Variants in BCAS3 observed in about 807,000 individuals in gnomAD.
BCAS3 encodes BCAS4/BCAS3 fusion.
Under a neutral mutation model 116.1 loss-of-function variants are expected in BCAS3, and 53 were observed. That is an observed-to-expected ratio of 0.46 (90% confidence interval 0.37 to 0.57). The LOEUF (loss-of-function observed/expected upper bound fraction) is 0.57. Ranked by LOEUF, BCAS3 falls within the 20% of genes least tolerant of loss-of-function variation. The pLI, the probability that BCAS3 is intolerant of heterozygous loss-of-function variation, is 0.00. For missense variants in BCAS3, 917 were observed against 1,165.4 expected, an observed-to-expected ratio of 0.79 and a Z score of 3.10; for synonymous variants, 391 against 408.2, an observed-to-expected ratio of 0.96 and a Z score of 0.51.
In BCAS3 at chr17:61,344,635, G is replaced by A. The variant is rs1178632062; in HGVS notation, c.2426-23692G>A. Among the ~76,000 whole-genome samples, 2 of 152,168 alleles carry A rather than the reference G, an allele frequency of 1.3e-5. No homozygotes were observed. Among genetic ancestry groups the A allele is most frequent in the Non-Finnish European group, 2.9e-5 (2 of 68,038 alleles). On this transcript the variant is annotated intron_variant, in intron 22 of 23. Transcript: ENST00000407086. This position sits in a 1 kb window ranked among gnomAD's most constrained non-coding sequence, Gnocchi z 4.1. Reference sequence around the variant, plus strand: ...AGGGCACCTGACCTAACCTAGGAGAGGATCAGAAAAGGCTTCCCAGAAGTT... The same window carrying A: ...AGGGCACCTGACCTAACCTAGGAGAAGATCAGAAAAGGCTTCCCAGAAGTT...
chr17:61,170,268 TG>T (rs1371046487), intron 22 of BCAS3, among the ~76,000 whole-genome samples: 2 of 151,462 alleles, frequency 1.3e-5, no homozygotes, highest in Non-Finnish European at 2.9e-5. Flanking sequence ...AATGATATGA[TG>T]TAATGGTTTT....
rs373452628 is a variant in BCAS3 at position 60,960,055 on chromosome 17, T to C, written c.1221+12703T>C. Among the ~76,000 whole-genome samples the C allele has an allele frequency of 7.4e-4, 113 of 152,340 alleles. 5 individuals are homozygous for C. The South Asian group carries it at 0.023, about 31-fold the overall frequency. On this transcript the variant is annotated intron_variant, in intron 14 of 23. Transcript: ENST00000407086. The surrounding 1 kb of genome is among the most constrained non-coding windows in gnomAD (Gnocchi z 4.1). ...GCCCCTTCTCTTAGGATTTATAACC[T>C]AATCACTTATTTTGCCAAAGAGTAA...
Position 61,390,454 on chromosome 17 carries a change from A to G in BCAS3, c.2594-1523A>G, listed in dbSNP as rs553141127. 1 of 151,896 alleles carries G rather than the reference A, an allele frequency of 6.6e-6. No homozygotes were observed. Among genetic ancestry groups the G allele is most frequent in the East Asian group, 1.9e-4 (1 of 5,138 alleles). The allele number at this position is 151,896 out of a possible 1,614,324, so 9.4% of individuals were successfully genotyped here. ...ATAGTCAGGCCCTCGGTCCCTGTCCACAGTCCCATCCCCCTACTTTCCCCA... is the reference window on the plus strand; with the variant it reads ...ATAGTCAGGCCCTCGGTCCCTGTCCGCAGTCCCATCCCCCTACTTTCCCCA... On this transcript the variant is annotated intron_variant, in intron 23 of 23. Coordinates refer to ENST00000407086, the MANE Select transcript of BCAS3 (RefSeq NM_017679.5). The surrounding 1 kb of genome is among the most constrained non-coding windows in gnomAD (Gnocchi z 6.8).
In BCAS3 at chr17:60,989,999, G is replaced by A; in HGVS notation, c.1250G>A (p.Cys417Tyr). 6.2e-7 allele frequency: 1 copy of A among 1,613,976 alleles called. No homozygotes were observed. The highest frequency in any genetic ancestry group is 2.2e-5 in the East Asian group (1 of 44,894). The change falls in exon 15 of 24, where the codon TGT becomes TAT. Residue 417 changes from cysteine to tyrosine, a missense_variant. Physicochemically the swap from Cys to Tyr is radical, Grantham distance 194. Around this residue, in one of 3 missense-constraint regions of BCAS3, gnomAD observed 807 missense variants for 1,026.0 expected, o/e 0.79. Transcript: ENST00000407086. The part of the protein sequence containing the change: ...KVQDICFSHD[C>Y]RWVVVSTLRG... ...CAGGACATCTGCTTCAGCCATGACT[G>A]TCGCTGGGTTGTGGTCAGTACTCTC...
intron 7 of BCAS3, among the ~76,000 whole-genome samples, chr17:60,849,232 T>G (rs1192558860): frequency 6.6e-6 from 1 of 152,018 alleles, no homozygotes; most frequent in Non-Finnish European, 1.5e-5. Flanking sequence ...GAGACAGAAT[T>G]TTTTTGAAAT....
rs2064867205 is a variant in BCAS3 at position 61,008,370 on chromosome 17, G to T, written c.1487-7381G>T. ...CCAACCAAAAATAACCCACCTGCAG[G>T]AAATTCCCTTCTACACAGGGTATTT... is the stretch of plus-strand genomic sequence containing the variant. On this transcript the variant is annotated intron_variant, in intron 15 of 23. Transcript: ENST00000407086. The surrounding 1 kb of genome is among the most constrained non-coding windows in gnomAD (Gnocchi z 4.6). 6.6e-6 allele frequency among the ~76,000 whole-genome samples: 1 copy of T among 151,840 alleles called. No homozygotes were observed. Among genetic ancestry groups the T allele is most frequent in the African/African-American group, 2.4e-5 (1 of 41,336 alleles).
At chr17:60,687,012 G>A (rs900296969) in intron 3 of BCAS3, among the ~76,000 whole-genome samples, 10 of 152,092 alleles carry the variant, frequency 6.6e-5, no homozygotes, top group Non-Finnish European at 1.0e-4. Context: ...TATGGCAATA[G>A]TACACTATGG....
At chr17:60,935,904 C>T (rs1414916806) in intron 13 of BCAS3, among the ~76,000 whole-genome samples, 5 of 151,372 alleles carry the variant, frequency 3.3e-5, no homozygotes, top group Admixed American at 1.3e-4. Context: ...ATGTGCACAA[C>T]ATGCAGGTTA....
chr17:60,976,756 G>C (rs1299141999), intron 14 of BCAS3, among the ~76,000 whole-genome samples: 1 of 152,120 alleles, frequency 6.6e-6, no homozygotes, highest in Non-Finnish European at 1.5e-5. Context: ...GGGGTTGGGG[G>C]TAAGGTTATA....
chr17:61,240,074 T>C (rs1339165667), intron 22 of BCAS3, among the ~76,000 whole-genome samples: 3 of 152,144 alleles, frequency 2.0e-5, no homozygotes, highest in African/African-American at 4.8e-5. Flanking sequence ...AAGCATCTTG[T>C]AGATGTTTGA....
At chr17:61,297,022 A>G (rs1307121649) in intron 22 of BCAS3, among the ~76,000 whole-genome samples, 2 of 152,186 alleles carry the variant, frequency 1.3e-5, no homozygotes, top group African/African-American at 2.4e-5. Flanking sequence ...AGTGTGGAAA[A>G]TTGATTGAAG....
intron 22 of BCAS3, among the ~76,000 whole-genome samples, chr17:61,172,944 C>T (rs934752073): frequency 8.6e-5 from 13 of 151,768 alleles, no homozygotes; most frequent in African/African-American, 2.7e-4. Flanking sequence ...GCTGAGATGA[C>T]GCCACTGCAC....
intron 5 of BCAS3, among the ~76,000 whole-genome samples, chr17:60,718,236 C>G (rs939965098): frequency 6.6e-6 from 1 of 152,068 alleles, no homozygotes; most frequent in Admixed American, 6.6e-5. Flanking sequence ...AGAATATACC[C>G]TTAAAATTTT....
chr17:60,859,224 G>A (rs1026824365), intron 7 of BCAS3, among the ~76,000 whole-genome samples: 3 of 152,070 alleles, frequency 2.0e-5, no homozygotes, highest in Admixed American at 2.0e-4. Flanking sequence ...CTGGGGGTAC[G>A]TGTTCAGGTT....
Position 60,724,720 on chromosome 17 carries a change from TA to T in BCAS3, c.321+15409del, listed in dbSNP as rs111941126. Among the ~76,000 whole-genome samples the T allele has an allele frequency of 4.9e-3, 667 of 137,354 alleles. 2 individuals are homozygous for T. The highest frequency in any genetic ancestry group is 1.0e-2 in the African/African-American group (370 of 37,106). 90.1% of individuals were successfully genotyped at this position (137,354 alleles called of 152,430 possible). A position where few individuals can be genotyped will look rare whatever the true frequency, so the allele number is the denominator to read the frequency against. On this transcript the variant is annotated intron_variant, in intron 5 of 23. Coordinates refer to ENST00000407086, the MANE Select transcript of BCAS3 (RefSeq NM_017679.5). The stretch of plus-strand genomic sequence containing the variant: ...CCTGACAACAGAGTGAGACTTCCTC[TA>T]AAAAAAAAAAAAATTCATTTTCTTT...
intron 10 of BCAS3, among the ~76,000 whole-genome samples, chr17:60,899,673 T>G (rs1170367229): frequency 6.6e-6 from 1 of 152,064 alleles, no homozygotes; most frequent in Admixed American, 6.5e-5. Flanking sequence ...AATTTTTGTA[T>G]TTTTCATAGA....
chr17:60,686,323 T>C (rs2034038610), intron 3 of BCAS3, among the ~76,000 whole-genome samples: 1 of 152,208 alleles, frequency 6.6e-6, no homozygotes, highest in Middle Eastern at 3.2e-3. Context: ...CCTCCTGCTC[T>C]ATTCTGGGAA....
chr17:61,027,542 TTAG>T (rs2066341898), intron 16 of BCAS3: 1 of 289,246 alleles, frequency 3.5e-6, no homozygotes, highest in Non-Finnish European at 6.8e-6. Context: ...TTTGTCAGTC[TTAG>T]ACAGGAAGGT....
chr17:60,782,683 T>C (rs2045936984), intron 6 of BCAS3, among the ~76,000 whole-genome samples: 1 of 151,744 alleles, frequency 6.6e-6, no homozygotes, highest in South Asian at 2.1e-4. Flanking sequence ...CCTCTCAGGT[T>C]CTAGCAATTC....
Sources: allele counts gnomAD v4.1 joint callset (sites outside exome capture counted in the v4.1 genomes callset), GRCh38; gene constraint gnomAD v4.1.1; regional missense constraint gnomAD v4.1.1; non-coding constraint Gnocchi (gnomAD v3.1); transcripts MANE v1.5; gene names NCBI Gene and HGNC (gene_info 2026-07-23, HGNC 2026-07-21).